Variants in CFAP47 observed in about 807,000 individuals in gnomAD.
CFAP47 encodes cilia- and flagella-associated protein 47.
Under a neutral mutation model 148.1 loss-of-function variants are expected in CFAP47, and 29 were observed. That is an observed-to-expected ratio of 0.20 (90% CI 0.15 to 0.27). CFAP47 has a LOEUF of 0.27. Among genes scored for constraint, CFAP47 ranks in the 10% least tolerant of loss-of-function variants. The pLI, the probability that CFAP47 is intolerant of heterozygous loss-of-function variation, is 1.00. For missense variants in CFAP47, 1,872 were observed against 1,697.5 expected, an observed-to-expected ratio of 1.10 and a Z score of -1.81; for synonymous variants, 664 against 577.3, an observed-to-expected ratio of 1.15 and a Z score of -2.15.
intron 46 of CFAP47, among the ~76,000 whole-genome samples, chrX:36,229,643 G>A (rs1940315336): frequency 1.8e-5 from 2 of 109,395 alleles, no homozygotes; most frequent in African/African-American, 6.7e-5. Context: ...AGGTTTTAGG[G>A]TACATGTGCA....
intron 7 of CFAP47, 120 bp from the exon 8 acceptor site, chrX:35,955,841 A>G (rs1219251980): frequency 4.9e-6 from 5 of 1,017,448 alleles, no homozygotes; most frequent in Admixed American, 3.5e-5. Flanking sequence ...GTGTTGAATG[A>G]AAAGATTGAA....
intron 33 of CFAP47, among the ~76,000 whole-genome samples, chrX:36,122,752 AT>A (rs1938768478): frequency 9.0e-6 from 1 of 111,305 alleles, no homozygotes; most frequent in Non-Finnish European, 1.9e-5. Context: ...TCTATTTTGA[AT>A]TCTCTGTCTA....
intron 49 of CFAP47, among the ~76,000 whole-genome samples, chrX:36,266,611 G>T (rs1174756973): frequency 1.8e-5 from 2 of 110,676 alleles, no homozygotes; most frequent in African/African-American, 6.6e-5. Context: ...GTGCTCCAGT[G>T]GGGTGACAGG....
intron 8 of CFAP47, among the ~76,000 whole-genome samples, chrX:35,957,611 T>G (rs1936265774): frequency 8.9e-6 from 1 of 112,207 alleles, no homozygotes; most frequent in South Asian, 3.7e-4. Context: ...GCTTTCTAGA[T>G]TTCCTGTAGT....
intron 26 of CFAP47, among the ~76,000 whole-genome samples, chrX:36,054,920 C>T (rs191623654): frequency 1.8e-5 from 2 of 109,088 alleles, no homozygotes; most frequent in African/African-American, 6.7e-5. Context: ...CTACAGGCGC[C>T]CGCCACCACG....
intron 57 of CFAP47, among the ~76,000 whole-genome samples, chrX:36,330,311 G>T (rs1941554248): frequency 9.0e-6 from 1 of 111,718 alleles, no homozygotes; most frequent in African/African-American, 3.3e-5. Flanking sequence ...TTTGCTCATG[G>T]ATCTGCTTAT....
At chrX:36,065,221 C>G (rs773616586) in intron 26 of CFAP47, among the ~76,000 whole-genome samples, 2 of 111,520 alleles carry the variant, frequency 1.8e-5, no homozygotes, top group Non-Finnish European at 3.8e-5. Flanking sequence ...AAAGTTACAG[C>G]TCTCCAGATA....
chrX:36,211,110 A>T (rs1366255887), intron 45 of CFAP47: 1 of 230,579 alleles, frequency 4.3e-6, no homozygotes. Context: ...AAAAGTAACT[A>T]AACATGGGCA....
chrX:36,328,093 A>G (rs1473963065), intron 57 of CFAP47, among the ~76,000 whole-genome samples: 2 of 112,119 alleles, frequency 1.8e-5, no homozygotes, highest in African/African-American at 6.5e-5. Context: ...CTCTGTAGAG[A>G]ATATAAAAGG....
chrX:36,137,325 C>A (rs183886001), intron 33 of CFAP47, among the ~76,000 whole-genome samples: 165 of 111,367 alleles, frequency 1.5e-3, no homozygotes, highest in African/African-American at 5.1e-3. Flanking sequence ...TTAAAATTAA[C>A]CTCCACCCAA....
At chrX:36,260,360 C>T (rs1383907231) in intron 49 of CFAP47, among the ~76,000 whole-genome samples, 1 of 111,804 alleles carries the variant, frequency 8.9e-6, no homozygotes, top group Admixed American at 9.4e-5. Flanking sequence ...GTAAGTGTTC[C>T]CTTTTCTTCA....
intron 9 of CFAP47, 77 bp downstream of exon 9, chrX:35,966,831 T>G (rs1936414877): frequency 1.4e-6 from 1 of 725,449 alleles, no homozygotes; most frequent in African/African-American, 2.3e-5. Context: ...TACTAATTGC[T>G]TAATTACACA....
chrX:35,969,435 A>C (rs183908968), intron 10 of CFAP47, among the ~76,000 whole-genome samples: 8 of 111,796 alleles, frequency 7.2e-5, no homozygotes, highest in Admixed American at 4.8e-4. Context: ...TTTTTTGAAT[A>C]AATAAATGAG....
chrX:36,285,635 A>T lies in CFAP47; in HGVS notation c.7595A>T (p.Asn2532Ile), dbSNP rs192959245. 50 of 902,084 alleles carry T rather than the reference A, an allele frequency of 5.5e-5. No homozygotes were observed. In the African/African-American group the frequency reaches 9.0e-4, roughly 16 times the overall value. 74.3% of individuals were successfully genotyped at this position (902,084 alleles called of 1,213,427 possible). Reference protein sequence around the residue: ...SILDDADTYGNFNNLRFWYNL... With the variant: ...SILDDADTYGIFNNLRFWYNL... Reference sequence around the variant, plus strand: ...GTTTTGTTTTGTTTTTCAGATGGTAATTTTAACAATTTAAGATTCTGGTAT... The same window carrying T: ...GTTTTGTTTTGTTTTTCAGATGGTATTTTTAACAATTTAAGATTCTGGTAT... The change falls in exon 51 of 64, where the codon AAT (asparagine) becomes ATT (isoleucine). Residue 2532 changes from asparagine to isoleucine, a missense_variant. Transcript: ENST00000378653.
intron 57 of CFAP47, among the ~76,000 whole-genome samples, chrX:36,326,304 AACACAC>A (rs56939762): frequency 2.8e-4 from 29 of 103,536 alleles, no homozygotes; most frequent in African/African-American, 9.2e-4. Flanking sequence ...CCAATTTCCA[AACACAC>A]ACACACACAC....
intron 33 of CFAP47, among the ~76,000 whole-genome samples, chrX:36,108,768 A>G (rs1404217766): frequency 9.3e-6 from 1 of 107,776 alleles, no homozygotes; most frequent in African/African-American, 3.4e-5. Context: ...AGCGCTGTAA[A>G]CTATTGATTG....
At chrX:36,368,210 A>G (rs1941897060) in intron 62 of CFAP47, 1 of 112,132 alleles carries the variant, frequency 8.9e-6, no homozygotes, top group Non-Finnish European at 1.9e-5. Context: ...CTGTGGCAAG[A>G]TGTTTGCTGT....
At position 35,948,432 on chromosome X, in the gene CFAP47, A is replaced by G; in HGVS notation, c.636A>G (p.Arg212=). Residue 212 remains arginine, a synonymous_variant, in exon 4 of 64, where the codon AGA becomes AGG. Transcript: ENST00000378653. ...TAGATTTCTGTGCAGACCAGCCAAGAATTGTAGATGAAGAGGCAATGTGAG... is the reference window on the plus strand; with the variant it reads ...TAGATTTCTGTGCAGACCAGCCAAGGATTGTAGATGAAGAGGCAATGTGAG... ...IKVDFCADQP[R]IVDEEAIVIL... The G allele has an allele frequency of 8.3e-7, 1 of 1,203,721 alleles. No individual in the cohort carries two copies. Among genetic ancestry groups the G allele is most frequent in the Non-Finnish European group, 1.1e-6 (1 of 889,039 alleles).
rs746391349 is a variant in CFAP47, at chrX:36,162,711, C to G, written c.6026+1942C>G. On this transcript the variant is annotated intron_variant, in intron 39 of 63. Transcript: ENST00000378653. ...AGGTTGTTAATTCCCATGCCTTGCT[C>G]CCAGACTGGTGATTCTCAAATTCTT... Among the ~76,000 whole-genome samples the G allele has an allele frequency of 2.0e-4, 22 of 111,578 alleles. No homozygotes were observed. The South Asian group carries it at 7.7e-3, about 39-fold the overall frequency.
Sources: allele counts gnomAD v4.1 joint callset (sites outside exome capture counted in the v4.1 genomes callset), GRCh38; gene constraint gnomAD v4.1.1; transcripts MANE v1.5; gene names NCBI Gene and HGNC (gene_info 2026-07-23, HGNC 2026-07-21).